SORCS3: variants seen among roughly 807,000 people sequenced by gnomAD.
SORCS3 encodes VPS10 domain-containing receptor SorCS3.
SORCS3 carries 57 observed loss-of-function variants against 146.3 expected under a neutral mutation model. The ratio of observed to expected loss-of-function variants is 0.39; its 90% CI spans 0.31 to 0.49. The LOEUF (loss-of-function observed/expected upper bound fraction) is 0.49, where lower values mean the gene tolerates loss of function less well. Ranked by LOEUF, SORCS3 falls within the 20% of genes least tolerant of loss-of-function variation. The pLI, the probability that SORCS3 is intolerant of heterozygous loss-of-function variation, is 0.92. For synonymous variants in SORCS3, 653 were observed against 618.5 expected (o/e 1.06, Z -0.83); for missense variants, 1,341 against 1,575.5 (o/e 0.85, Z 2.52).
chr10:104,722,574 T>A (rs1451465954), intron 1 of SORCS3, among the ~76,000 whole-genome samples: 2 of 152,242 alleles, frequency 1.3e-5, no homozygotes, highest in African/African-American at 4.8e-5. Context: ...TCCTTGTACC[T>A]CTGGTAGAAT....
chr10:105,183,516 G>A (rs893800356), intron 14 of SORCS3, among the ~76,000 whole-genome samples: 2 of 152,134 alleles, frequency 1.3e-5, no homozygotes, highest in African/African-American at 4.8e-5. Flanking sequence ...AACTGCATCC[G>A]ATAAAGTCGT....
chr10:104,972,966 T>A (rs1401024990), intron 3 of SORCS3, among the ~76,000 whole-genome samples: 1 of 152,232 alleles, frequency 6.6e-6, no homozygotes, highest in Admixed American at 6.5e-5. Context: ...GTGGTTTTTG[T>A]CTTTGGTTCT....
intron 2 of SORCS3, among the ~76,000 whole-genome samples, chr10:104,856,257 C>T (rs2018329795): frequency 6.6e-6 from 1 of 151,498 alleles, no homozygotes; most frequent in Non-Finnish European, 1.5e-5. Context: ...CTTCCAGGTG[C>T]CCCTAATTGG....
At chr10:105,050,022 T>A (rs998740262) in intron 5 of SORCS3, among the ~76,000 whole-genome samples, 1 of 142,576 alleles carries the variant, frequency 7.0e-6, no homozygotes, top group Non-Finnish European at 1.5e-5. Flanking sequence ...TATGTGTATG[T>A]GTATATATAT....
At chr10:105,211,766 C>T (rs7894221) in intron 17 of SORCS3, among the ~76,000 whole-genome samples, 51,334 of 152,128 alleles carry the variant, frequency 0.34, 8,803 homozygotes, top group South Asian at 0.49. Flanking sequence ...GTTACTCTTT[C>T]GCATGCTTGA....
At chr10:104,908,232 C>G (rs894142115) in intron 2 of SORCS3, among the ~76,000 whole-genome samples, 2 of 152,206 alleles carry the variant, frequency 1.3e-5, no homozygotes, top group South Asian at 4.1e-4. Flanking sequence ...TCTTTTGATT[C>G]TCCAGGCAAC....
At chr10:104,860,368 G>A (rs1482368829) in intron 2 of SORCS3, among the ~76,000 whole-genome samples, 8 of 135,782 alleles carry the variant, frequency 5.9e-5, no homozygotes, top group South Asian at 2.6e-4. Flanking sequence ...GAATTGAACA[G>A]TGAGAACACA....
At chr10:104,881,850 C>G (rs1362630253) in intron 2 of SORCS3, among the ~76,000 whole-genome samples, 2 of 152,174 alleles carry the variant, frequency 1.3e-5, no homozygotes, top group East Asian at 3.9e-4. Context: ...CCACTTTACT[C>G]TCTGGGCTCA....
chr10:104,653,047 TG>T (rs896047805), intron 1 of SORCS3, among the ~76,000 whole-genome samples: 14 of 152,230 alleles, frequency 9.2e-5, no homozygotes, highest in Non-Finnish European at 1.6e-4. Flanking sequence ...TAAAAAATTC[TG>T]GTTGTTTTTA....
At chr10:104,927,669 A>AACAT (rs200351202) in intron 3 of SORCS3, among the ~76,000 whole-genome samples, 2,516 of 152,302 alleles carry the variant, frequency 0.017, 30 homozygotes, top group Admixed American at 0.033. Context: ...ACCTGAGGTC[A>AACAT]GGAGTTCAAG....
At chr10:104,881,007 T>C (rs774372451) in intron 2 of SORCS3, among the ~76,000 whole-genome samples, 2 of 152,188 alleles carry the variant, frequency 1.3e-5, no homozygotes, top group Non-Finnish European at 2.9e-5. Flanking sequence ...ATCTGAGAGA[T>C]AATGCCTTGG....
At chr10:104,881,077 GA>G (rs1392511094) in intron 2 of SORCS3, among the ~76,000 whole-genome samples, 1 of 152,172 alleles carries the variant, frequency 6.6e-6, no homozygotes, top group Non-Finnish European at 1.5e-5. Context: ...AGCAAAGTAT[GA>G]AAAAGGAATT....
At chr10:104,909,118 T>G (rs1299253464) in intron 2 of SORCS3, among the ~76,000 whole-genome samples, 1 of 152,126 alleles carries the variant, frequency 6.6e-6, no homozygotes, top group Non-Finnish European at 1.5e-5. Flanking sequence ...CCCCTCCTGC[T>G]TTTGCAAAAG....
rs200476735 is a variant in SORCS3 at position 104,981,803 on chromosome 10, A to AT, written c.954+4318dup. On this transcript the variant is annotated intron_variant, in intron 4 of 26. Transcript: ENST00000369701. ...AGGAGATGGAGAGCTGAAAATAGCT[A>AT]TTTTTTTTCTGCGTGAGAGGTAGGA... 2.3e-3 allele frequency among the ~76,000 whole-genome samples: 343 copies of AT among 151,984 alleles called. 1 individual carries two copies. The highest frequency in any genetic ancestry group is 7.6e-3 in the African/African-American group (313 of 41,454).
rs201348692 is a variant in SORCS3 at position 105,105,412 on chromosome 10, C to A, written c.1109C>A (p.Thr370Asn). The change falls in exon 7 of 27, where the codon ACC (threonine) becomes AAC (asparagine). Residue 370 changes from threonine (T) to asparagine (N), a missense_variant. Thr to Asn is a moderately conservative substitution (Grantham distance 65, BLOSUM62 0). Coordinates refer to ENST00000369701, the MANE Select transcript of SORCS3 (RefSeq NM_014978.3). ...RTTDGYAHYL[T>N]CRIQECAETT... The stretch of plus-strand genomic sequence containing the variant: ...CCTGTTTCAGATGCTCACTACCTCA[C>A]CTGCAGGATCCAGGAATGTGCCGAG... The A allele has an allele frequency of 1.3e-5, 21 of 1,613,268 alleles. No homozygotes were observed. Among genetic ancestry groups the A allele is most frequent in the Non-Finnish European group, 1.8e-5 (21 of 1,179,378 alleles).
chr10:104,825,045 G>C (rs778135939), intron 1 of SORCS3, among the ~76,000 whole-genome samples: 1 of 152,236 alleles, frequency 6.6e-6, no homozygotes, highest in Non-Finnish European at 1.5e-5. Context: ...CATGCAGGGA[G>C]TTCCAGGCTT....
chr10:104,985,646 T>G (rs1589579927), intron 4 of SORCS3, among the ~76,000 whole-genome samples: 1 of 152,332 alleles, frequency 6.6e-6, no homozygotes, highest in Admixed American at 6.5e-5. Flanking sequence ...AATGTATTTC[T>G]TAAAATAATA....
chr10:104,977,000 G>A (rs2054902566), intron 3 of SORCS3, among the ~76,000 whole-genome samples: 1 of 151,616 alleles, frequency 6.6e-6, no homozygotes, highest in East Asian at 1.9e-4. Flanking sequence ...CATGGCACAT[G>A]TATATATATG....
At chr10:105,191,025 G>A (rs1323192507) in intron 14 of SORCS3, among the ~76,000 whole-genome samples, 1 of 152,134 alleles carries the variant, frequency 6.6e-6, no homozygotes, top group Non-Finnish European at 1.5e-5. Flanking sequence ...CCAGGATTGG[G>A]GCTCTCATCT....
Sources: allele counts gnomAD v4.1 joint callset (sites outside exome capture counted in the v4.1 genomes callset), GRCh38; gene constraint gnomAD v4.1.1; transcripts MANE v1.5; gene names NCBI Gene and HGNC (gene_info 2026-07-23, HGNC 2026-07-21).